Variants in PHACTR3 observed in about 807,000 individuals in gnomAD.
PHACTR3 encodes phosphatase and actin regulator 3, also known as protein phosphatase 1, regulatory subunit 123.
In PHACTR3, 16 loss-of-function variants were observed where a neutral mutation model predicts 66.8. The ratio of observed to expected loss-of-function variants is 0.24; its 90% CI spans 0.16 to 0.36. The LOEUF (loss-of-function observed/expected upper bound fraction) is 0.36. Among genes scored for constraint, PHACTR3 ranks in the 10% least tolerant of loss-of-function variants. PHACTR3 has a pLI of 1.00. For synonymous variants in PHACTR3, 323 were observed against 292.1 expected (o/e 1.11, Z -1.08); for missense variants, 647 against 719.9 (o/e 0.90, Z 1.16).
chr20:59,720,736 C>T (rs2038263124), intron 1 of PHACTR3, among the ~76,000 whole-genome samples: 1 of 152,302 alleles, frequency 6.6e-6, no homozygotes, highest in African/African-American at 2.4e-5. Flanking sequence ...CCAAAGTGGC[C>T]ACTTCTCCTA....
chr20:59,774,515 TGTG>T, intron 7 of PHACTR3, 25 bp downstream of exon 7: 4 of 1,607,088 alleles, frequency 2.5e-6, no homozygotes, highest in Non-Finnish European at 3.4e-6. Context: ...GCCCATTAAG[TGTG>T]GGGATCTCGG....
chr20:59,616,965 C>G lies in PHACTR3; in HGVS notation c.118+11833C>G, dbSNP rs150075078. Among the ~76,000 whole-genome samples, 93 of 152,254 alleles carry G rather than the reference C, an allele frequency of 6.1e-4. 1 individual carries two copies. Among genetic ancestry groups the G allele is most frequent in the Non-Finnish European group, 4.4e-4 (30 of 68,030 alleles). ...CTGGGCTGGCTTTCCCCGCTCGCTT[C>G]CCCGTTGGGAGTCTAATACAGCCTG... On this transcript the variant is annotated intron_variant, in intron 1 of 12. Coordinates refer to ENST00000371015, the MANE Select transcript of PHACTR3 (RefSeq NM_080672.5).
chr20:59,791,868 AAGG>A (rs2041112978), intron 7 of PHACTR3, among the ~76,000 whole-genome samples: 1 of 151,638 alleles, frequency 6.6e-6, no homozygotes, highest in African/African-American at 2.4e-5. Context: ...ACATTGCTCA[AAGG>A]AGCCCCAGTG....
intron 4 of PHACTR3, among the ~76,000 whole-genome samples, chr20:59,758,000 A>G (rs816255): frequency 3.3e-5 from 5 of 151,910 alleles, no homozygotes; most frequent in Non-Finnish European, 7.4e-5. Flanking sequence ...AGCCCACAGA[A>G]TGGAGAGAGA....
At chr20:59,613,642 A>C (rs922579486) in intron 1 of PHACTR3, among the ~76,000 whole-genome samples, 1 of 152,246 alleles carries the variant, frequency 6.6e-6, no homozygotes, top group Admixed American at 6.5e-5. Context: ...AGTGAACTAC[A>C]GTCTCTGCCA....
At chr20:59,801,249 C>T (rs180791097) in intron 7 of PHACTR3, among the ~76,000 whole-genome samples, 2 of 152,176 alleles carry the variant, frequency 1.3e-5, no homozygotes, top group African/African-American at 4.8e-5. Flanking sequence ...TGTGGCCTGG[C>T]AACTCTCTAG....
intron 4 of PHACTR3, among the ~76,000 whole-genome samples, chr20:59,762,793 G>A (rs11905086): frequency 3.0e-3 from 457 of 152,378 alleles, no homozygotes; most frequent in African/African-American, 0.011. Context: ...GGAGGCTGGT[G>A]AGGAGGCCCA....
chr20:59,790,952 T>A (rs912171380), intron 7 of PHACTR3, among the ~76,000 whole-genome samples: 1 of 152,212 alleles, frequency 6.6e-6, no homozygotes, highest in East Asian at 1.9e-4. Flanking sequence ...CAGTCAGCTC[T>A]CTGGTCTCAG....
intron 8 of PHACTR3, among the ~76,000 whole-genome samples, chr20:59,808,805 G>A (rs908554829): frequency 3.3e-5 from 5 of 152,218 alleles, no homozygotes; most frequent in South Asian, 2.1e-4. Context: ...TTTGAGAAGC[G>A]AGGGTCTACA....
At chr20:59,778,636 G>A (rs1182501) in intron 7 of PHACTR3, among the ~76,000 whole-genome samples, 89,646 of 152,186 alleles carry the variant, frequency 0.59, 28,884 homozygotes, top group Non-Finnish European at 0.71. Context: ...CCAAGTCTTC[G>A]CCTCTGTAGT....
intron 1 of PHACTR3, among the ~76,000 whole-genome samples, chr20:59,645,595 A>G (rs2035255531): frequency 6.6e-6 from 1 of 152,154 alleles, no homozygotes; most frequent in Non-Finnish European, 1.5e-5. Flanking sequence ...CCATCTGGAC[A>G]TATGTTATTC....
intron 1 of PHACTR3, among the ~76,000 whole-genome samples, chr20:59,644,738 G>A (rs2035225258): frequency 1.3e-5 from 2 of 152,208 alleles, no homozygotes; most frequent in South Asian, 4.1e-4. Flanking sequence ...GGCTCTCCCT[G>A]CACCAGCCTG....
At chr20:59,625,920 T>A (rs2034431807) in intron 1 of PHACTR3, among the ~76,000 whole-genome samples, 1 of 152,108 alleles carries the variant, frequency 6.6e-6, no homozygotes, top group African/African-American at 2.4e-5. Context: ...TGTGACCGAA[T>A]ACCTCAGGGT....
Position 59,660,454 on chromosome 20 carries a change from A to G in PHACTR3, c.118+55322A>G, listed in dbSNP as rs190425948. Among the ~76,000 whole-genome samples, 1,364 of 152,350 alleles carry G rather than the reference A, an allele frequency of 9.0e-3. 27 individuals carry two copies. The highest frequency in any genetic ancestry group is 0.031 in the African/African-American group (1,285 of 41,582). ...GCTTGCAGTGAGCCGAGATTGCGCCACTGCACTCCAGCCTGGGGGACAGCG... is the reference window on the plus strand; with the variant it reads ...GCTTGCAGTGAGCCGAGATTGCGCCGCTGCACTCCAGCCTGGGGGACAGCG... On this transcript the variant is annotated intron_variant, in intron 1 of 12. Transcript: ENST00000371015.
chr20:59,778,612 T>C (rs1400654398), intron 7 of PHACTR3, among the ~76,000 whole-genome samples: 1 of 152,218 alleles, frequency 6.6e-6, no homozygotes, highest in Non-Finnish European at 1.5e-5. Context: ...TACCAGCACA[T>C]GGGCTCCGCG....
intron 2 of PHACTR3, among the ~76,000 whole-genome samples, chr20:59,746,000 C>A (rs1315637692): frequency 6.6e-6 from 1 of 152,214 alleles, no homozygotes; most frequent in Non-Finnish European, 1.5e-5. Flanking sequence ...GAGGCCTCCA[C>A]CCCTGTTCTT....
At chr20:59,744,113 C>T (rs938100878) in intron 2 of PHACTR3, among the ~76,000 whole-genome samples, 2 of 152,240 alleles carry the variant, frequency 1.3e-5, no homozygotes, top group Non-Finnish European at 2.9e-5. Flanking sequence ...CACGGCCCCC[C>T]AGCATTTGGC....
At chr20:59,635,440 G>A in intron 1 of PHACTR3, among the ~76,000 whole-genome samples, 1 of 151,518 alleles carries the variant, frequency 6.6e-6, no homozygotes, top group Non-Finnish European at 1.5e-5. Context: ...CACCATGTTA[G>A]TCAGGCTGGT....
chr20:59,635,169 C>CTTTCCTTT (rs1555881178), intron 1 of PHACTR3, among the ~76,000 whole-genome samples: 47 of 55,346 alleles, frequency 8.5e-4, no homozygotes, highest in East Asian at 3.4e-3. Context: ...TTCTTTCTTT[C>CTTTCCTTT]CTTTCTTTCT....
Sources: gnomAD v4.1 joint callset for allele counts (sites outside exome capture counted in the v4.1 genomes callset) on GRCh38, gnomAD v4.1.1 for gene constraint, MANE v1.5 for transcripts, NCBI Gene and HGNC (gene_info 2026-07-23, HGNC 2026-07-21) for gene names.